Variants in ZBTB4 observed in about 807,000 individuals in gnomAD.
The protein encoded by ZBTB4 is zinc finger and BTB domain-containing protein 4.
ZBTB4 carries 14 observed loss-of-function variants against 59.8 expected under a neutral mutation model. That is an observed-to-expected ratio of 0.23 (90% CI 0.15 to 0.37). ZBTB4 has a LOEUF of 0.37. Ranked by LOEUF, ZBTB4 falls within the 10% of genes least tolerant of loss-of-function variation. The pLI is 1.00. For missense variants in ZBTB4, 1,198 were observed against 1,380.8 expected (o/e 0.87, Z 2.10); for synonymous variants, 587 against 575.2 (o/e 1.02, Z -0.29).
intron 1 of ZBTB4, among the ~76,000 whole-genome samples, chr17:7,477,442 C>G (rs529667663): frequency 1.3e-5 from 2 of 152,188 alleles, no homozygotes; most frequent in Non-Finnish European, 2.9e-5. Context: ...CAGGCTCCCA[C>G]GGCAGCCACC....
At chr17:7,473,654 C>G (rs909101049) in intron 1 of ZBTB4, among the ~76,000 whole-genome samples, 1 of 151,028 alleles carries the variant, frequency 6.6e-6, no homozygotes, top group East Asian at 2.0e-4. Flanking sequence ...TCAAATGATC[C>G]TCTCACCTGT....
chr17:7,482,878 T>C (rs1246446643), upstream of ZBTB4: 2 of 1,611,834 alleles, frequency 1.2e-6, no homozygotes, highest in African/African-American at 2.7e-5. Context: ...TACTGCAGTA[T>C]TATATGCTCC....
chr17:7,481,869 C>G, upstream of ZBTB4: 5 of 1,382,900 alleles, frequency 3.6e-6, no homozygotes, highest in African/African-American at 1.5e-5. Flanking sequence ...AGTTCCTCAG[C>G]AAGATAGCCC....
chr17:7,472,355 T>A (rs180754033), intron 1 of ZBTB4, among the ~76,000 whole-genome samples: 455 of 152,188 alleles, frequency 3.0e-3, no homozygotes, highest in Non-Finnish European at 4.9e-3. Context: ...CACGTCCGGC[T>A]AATTTTTGTA....
intron 1 of ZBTB4, among the ~76,000 whole-genome samples, chr17:7,477,991 T>C (rs1040398859): frequency 2.0e-5 from 3 of 152,002 alleles, no homozygotes; most frequent in Non-Finnish European, 4.4e-5. Flanking sequence ...TGCGCTACCC[T>C]GCATTTATCT....
At position 7,463,199 on chromosome 17, in the gene ZBTB4, G is replaced by T. The variant is rs1389224358; in HGVS notation, c.1783C>A (p.Leu595Met). 6.2e-7 allele frequency: 1 copy of T among 1,608,432 alleles called. No homozygotes were observed. The change falls in exon 4 of 4, where the codon CTG (leucine) becomes ATG (methionine). Residue 595 changes from leucine to methionine, a missense_variant. Around this residue, in one of 9 missense-constraint regions of ZBTB4, gnomAD observed 550 missense variants for 541.8 expected, o/e 1.02. Transcript: ENST00000380599. ...PTGAGRGPSQ[L>M]QAPPPLCQIT... ...TGACACAGTGGAGGTGGAGCCTGCA[G>T]CTGAGAGGGGCCCCGGCCAGCCCCT...
intron 3 of ZBTB4, among the ~76,000 whole-genome samples, chr17:7,464,841 A>C (rs1172359709): frequency 6.7e-6 from 1 of 149,428 alleles, no homozygotes; most frequent in African/African-American, 2.5e-5. Flanking sequence ...CGGTCTTAAA[A>C]AAAAAAAATG....
intron 1 of ZBTB4, among the ~76,000 whole-genome samples, chr17:7,477,323 C>T (rs984700860): frequency 6.6e-6 from 1 of 152,206 alleles, no homozygotes; most frequent in Non-Finnish European, 1.5e-5. Flanking sequence ...AGGAACTGAG[C>T]TTCCTTCAGA....
At chr17:7,467,219 A>C (rs2070140278) in intron 2 of ZBTB4, 38 bp downstream of exon 2, 1 of 1,014,004 alleles carries the variant, frequency 9.9e-7, no homozygotes, top group Non-Finnish European at 1.2e-6. Context: ...CCTTGGGTCT[A>C]CTTTGTCCTC....
At chr17:7,465,552 G>A (rs1179801235) in intron 3 of ZBTB4, among the ~76,000 whole-genome samples, 159 bp downstream of exon 3, 4 of 151,960 alleles carry the variant, frequency 2.6e-5, no homozygotes, top group African/African-American at 7.3e-5. Flanking sequence ...GGCCACAAGC[G>A]ATCCTCCCAC....
chr17:7,475,011 C>CAA (rs56936340), intron 1 of ZBTB4, among the ~76,000 whole-genome samples: 21 of 37,490 alleles, frequency 5.6e-4, no homozygotes, highest in African/African-American at 1.7e-3. Context: ...GACTCTGCCT[C>CAA]AAAAAAAAAA....
At chr17:7,482,857 G>A, upstream of ZBTB4, 1 of 1,611,990 alleles carries the variant, frequency 6.2e-7, no homozygotes, top group Non-Finnish European at 8.5e-7. Flanking sequence ...CCGAGGTGGT[G>A]GTGGCCCTTA....
chr17:7,481,598 T>C, upstream of ZBTB4: 1 of 1,073,530 alleles, frequency 9.3e-7, no homozygotes, highest in Non-Finnish European at 1.3e-6. Context: ...TCCTAAAACT[T>C]AGCTGTCTCA....
At position 7,461,276 on chromosome 17, in the gene ZBTB4, T is replaced by C. The variant is rs1314739368; in HGVS notation, c.*664A>G. On this transcript the variant is annotated 3_prime_UTR_variant, in exon 4 of 4. Transcript: ENST00000380599. Reference sequence around the variant, plus strand: ...AGGGGCAACCCTCCCCCAAACCTCCTTGACCTGGCTTGGGAGAGGCCATCT... The same window carrying C: ...AGGGGCAACCCTCCCCCAAACCTCCCTGACCTGGCTTGGGAGAGGCCATCT... The C allele has an allele frequency of 2.0e-5, 3 of 152,640 alleles. No homozygotes were observed. The highest frequency in any genetic ancestry group is 7.2e-5 in the African/African-American group (3 of 41,438). 9.5% of individuals were successfully genotyped at this position (152,640 alleles called of 1,614,324 possible).
At chr17:7,476,928 A>C (rs1185702992) in intron 1 of ZBTB4, among the ~76,000 whole-genome samples, 2 of 152,242 alleles carry the variant, frequency 1.3e-5, no homozygotes, top group East Asian at 3.8e-4. Context: ...TTAAGAGCAC[A>C]AGATCTTCAA....
chr17:7,473,610 G>A (rs1416447193), intron 1 of ZBTB4, among the ~76,000 whole-genome samples: 1 of 151,992 alleles, frequency 6.6e-6, no homozygotes. Flanking sequence ...ACAATGGTGA[G>A]ATTGAGGCTC....
intron 3 of ZBTB4, among the ~76,000 whole-genome samples, chr17:7,465,146 ACT>A (rs1597767340): frequency 1.8e-5 from 2 of 108,474 alleles, no homozygotes; most frequent in Admixed American, 1.0e-4. Flanking sequence ...ACAGGGCGAG[ACT>A]CTGTCTCAAA....
intron 1 of ZBTB4, among the ~76,000 whole-genome samples, chr17:7,469,654 A>G (rs1040041834): frequency 1.3e-5 from 2 of 151,814 alleles, no homozygotes; most frequent in Non-Finnish European, 2.9e-5. Context: ...AATCCCAGAT[A>G]CTTGGGAGGC....
intron 1 of ZBTB4, among the ~76,000 whole-genome samples, chr17:7,470,325 G>T (rs2070182420): frequency 6.6e-6 from 1 of 151,910 alleles, no homozygotes; most frequent in Admixed American, 6.6e-5. Context: ...TTAAGCCCAG[G>T]AGTTCAAGGC....
Sources: gnomAD v4.1 joint callset for allele counts (sites outside exome capture counted in the v4.1 genomes callset) on GRCh38, gnomAD v4.1.1 for gene constraint, gnomAD v4.1.1 regional missense constraint, MANE v1.5 for transcripts, NCBI Gene and HGNC (gene_info 2026-07-23, HGNC 2026-07-21) for gene names.